The following ACADL variants were observed in gnomAD, a reference collection of about 807,000 sequenced individuals.
ACADL encodes the protein acyl-CoA dehydrogenase long chain, also known as long-chain specific acyl-CoA dehydrogenase, mitochondrial.
A neutral mutation model predicts 56.9 loss-of-function variants in ACADL; 60 were observed. That is an observed-to-expected ratio of 1.05 (90% confidence interval 0.86 to 1.31). ACADL has a LOEUF of 1.31. ACADL is among the 50% of genes most tolerant of loss of function. ACADL has a pLI of 0.00. For synonymous variants in ACADL, 158 were observed against 179.7 expected, an observed-to-expected ratio of 0.88 and a Z score of 0.97; for missense variants, 484 against 525.5, an observed-to-expected ratio of 0.92 and a Z score of 0.77.
intron 1 of ACADL, among the ~76,000 whole-genome samples, chr2:210,221,678 C>T (rs943409537): frequency 6.6e-6 from 1 of 151,116 alleles, no homozygotes; most frequent in Admixed American, 6.6e-5. Context: ...TCAAAGTAGA[C>T]TTAAAGGGTT....
At chr2:210,194,126 CA>C (rs1355159734) in intron 9 of ACADL, among the ~76,000 whole-genome samples, 4 of 152,016 alleles carry the variant, frequency 2.6e-5, no homozygotes, top group African/African-American at 9.7e-5. Context: ...TTTCAAATAA[CA>C]AGGTCAATGG....
intron 5 of ACADL, among the ~76,000 whole-genome samples, chr2:210,207,019 C>T (rs1206890106): frequency 6.6e-6 from 1 of 152,184 alleles, no homozygotes; most frequent in Non-Finnish European, 1.5e-5. Context: ...TTCCCTATCT[C>T]AATGAATGCT....
intron 1 of ACADL, among the ~76,000 whole-genome samples, chr2:210,222,222 G>A (rs960702054): frequency 7.9e-5 from 12 of 152,006 alleles, no homozygotes; most frequent in Non-Finnish European, 1.8e-4. Flanking sequence ...TCTAACAAAG[G>A]GAAACTGAAT....
chr2:210,201,841 T>C (rs575473977), intron 8 of ACADL, among the ~76,000 whole-genome samples: 59 of 152,316 alleles, frequency 3.9e-4, no homozygotes, highest in African/African-American at 1.4e-3. Flanking sequence ...TACTGAGTTC[T>C]TTTGCAAAAA....
intron 1 of ACADL, among the ~76,000 whole-genome samples, chr2:210,223,603 T>C (rs1486783483): frequency 1.3e-5 from 2 of 152,178 alleles, no homozygotes; most frequent in East Asian, 1.9e-4. Context: ...TGTTCTCTAT[T>C]TGAGGGTAGA....
intron 1 of ACADL, among the ~76,000 whole-genome samples, chr2:210,223,879 G>A (rs1034502399): frequency 1.3e-5 from 2 of 151,982 alleles, no homozygotes; most frequent in Non-Finnish European, 2.9e-5. Flanking sequence ...GATACCTTTC[G>A]ATAACGACAG....
chr2:210,201,882 G>A (rs1369774987), intron 8 of ACADL, among the ~76,000 whole-genome samples: 1 of 152,074 alleles, frequency 6.6e-6, no homozygotes, highest in African/African-American at 2.4e-5. Flanking sequence ...CTCAATCCTA[G>A]GTAAACACAA....
At position 210,204,696 on chromosome 2, in the gene ACADL, C is replaced by CA; in HGVS notation, c.769-15dup. 1 of 1,550,560 alleles carries CA rather than the reference C, an allele frequency of 6.4e-7. No homozygotes were observed. Among genetic ancestry groups the CA allele is most frequent in the African/African-American group, 1.4e-5 (1 of 73,560 alleles). ...TTCTGCGGTATCCTAAGAGACCATA[C>CA]AAAAAATGTAGAGAATGGTCTCATT... On this transcript the variant is annotated splice_polypyrimidine_tract_variant and intron_variant, in intron 6 of 10. Coordinates refer to ENST00000233710, the MANE Select transcript of ACADL (RefSeq NM_001608.4).
intron 4 of ACADL, among the ~76,000 whole-genome samples, chr2:210,214,558 C>A (rs1689051796): frequency 7.2e-6 from 1 of 138,234 alleles, no homozygotes; most frequent in African/African-American, 2.6e-5. Context: ...CATCTTCATT[C>A]TCAGGTTTCC....
Position 210,195,271 on chromosome 2 carries a change from C to T in ACADL, c.1052G>A (p.Cys351Tyr). Residue 351 changes from cysteine (C) to tyrosine (Y), a missense_variant, in exon 9 of 11, where the codon TGT becomes TAT. Coordinates refer to ENST00000233710, the MANE Select transcript of ACADL (RefSeq NM_001608.4). ...ACGTTTCGCTTCATGCAGCTGGAGACAGTTGTCCACAAATGCTCGGGTTAC... is the reference window on the plus strand; with the variant it reads ...ACGTTTCGCTTCATGCAGCTGGAGATAGTTGTCCACAAATGCTCGGGTTAC... ...ICVTRAFVDNCLQLHEAKRLD... is the reference protein window; with the variant it reads ...ICVTRAFVDNYLQLHEAKRLD... The T allele has an allele frequency of 6.2e-7, 1 of 1,613,868 alleles. No individual in the cohort carries two copies. Among genetic ancestry groups the T allele is most frequent in the Non-Finnish European group, 8.5e-7 (1 of 1,179,894 alleles).
At chr2:210,219,396 C>A (rs1689140300) in intron 2 of ACADL, among the ~76,000 whole-genome samples, 1 of 152,082 alleles carries the variant, frequency 6.6e-6, no homozygotes, top group African/African-American at 2.4e-5. Flanking sequence ...CCCAGAAGTT[C>A]AAGGCTGCAG....
At chr2:210,208,654 C>T (rs1475294726) in intron 5 of ACADL, among the ~76,000 whole-genome samples, 1 of 152,080 alleles carries the variant, frequency 6.6e-6, no homozygotes, top group Admixed American at 6.6e-5. Context: ...GTACATAATA[C>T]AACTATCATT....
chr2:210,213,214 C>T (rs1689016592), intron 4 of ACADL, among the ~76,000 whole-genome samples: 1 of 152,010 alleles, frequency 6.6e-6, no homozygotes, highest in Non-Finnish European at 1.5e-5. Flanking sequence ...AACAATTCTT[C>T]TATAGCTGGG....
intron 8 of ACADL, among the ~76,000 whole-genome samples, chr2:210,197,172 C>G (rs1688723689): frequency 6.6e-6 from 1 of 152,210 alleles, no homozygotes; most frequent in East Asian, 1.9e-4. Context: ...CTGATGAAAA[C>G]TCCAACTGAC....
At chr2:210,191,077 A>T in intron 10 of ACADL, among the ~76,000 whole-genome samples, 1 of 151,828 alleles carries the variant, frequency 6.6e-6, no homozygotes, top group South Asian at 2.1e-4. Context: ...CGCCTAGCTA[A>T]TTTTTTTGTA....
intron 1 of ACADL, chr2:210,224,438 C>T: frequency 2.0e-6 from 2 of 985,282 alleles, no homozygotes; most frequent in Non-Finnish European, 2.4e-6. Context: ...TTCCTTCACC[C>T]TTATTAAATA....
chr2:210,223,834 TAAAC>T (rs1235363040), intron 1 of ACADL, among the ~76,000 whole-genome samples: 1 of 152,184 alleles, frequency 6.6e-6, no homozygotes, highest in Admixed American at 6.5e-5. Flanking sequence ...AACTTTTAAA[TAAAC>T]TAAATATCTG....
At chr2:210,201,288 A>G (rs1022929602) in intron 8 of ACADL, among the ~76,000 whole-genome samples, 1 of 152,072 alleles carries the variant, frequency 6.6e-6, no homozygotes, top group Non-Finnish European at 1.5e-5. Context: ...CTCAATCTAC[A>G]ATGTGTCTGC....
At chr2:210,218,463 T>C (rs1252898021) in intron 2 of ACADL, 11 of 245,206 alleles carry the variant, frequency 4.5e-5, no homozygotes, top group Non-Finnish European at 8.8e-5. Context: ...AAAAAATTTT[T>C]TTTTGTAGAG....
Sources: gnomAD v4.1 joint callset for allele counts (sites outside exome capture counted in the v4.1 genomes callset) on GRCh38, gnomAD v4.1.1 for gene constraint, MANE v1.5 for transcripts, NCBI Gene and HGNC (gene_info 2026-07-23, HGNC 2026-07-21) for gene names.